TMEM161B: variants seen among roughly 807,000 people sequenced by gnomAD.
TMEM161B encodes transmembrane protein 161B.
TMEM161B carries 34 observed loss-of-function variants against 61.8 expected under a neutral mutation model. That is an observed-to-expected ratio of 0.55 (90% CI 0.42 to 0.73). The LOEUF (loss-of-function observed/expected upper bound fraction) is 0.73. TMEM161B is among the 30% of genes least tolerant of loss of function. The probability of loss-of-function intolerance (pLI) is 0.00; values close to 1 mark genes in which losing one functional copy is unlikely to be tolerated. For missense variants in TMEM161B, 456 were observed against 558.5 expected (o/e 0.82, Z 1.85); for synonymous variants, 167 against 192.8 (o/e 0.87, Z 1.11).
Position 88,232,258 on chromosome 5 carries a change from C to A in TMEM161B, c.108-3730G>T, listed in dbSNP as rs1237111815. 2.0e-5 allele frequency among the ~76,000 whole-genome samples: 3 copies of A among 152,112 alleles called. No individual in the cohort carries two copies. In the East Asian group the frequency reaches 5.8e-4, roughly 29 times the overall value. ...TCAACCAGGAACATGCATGTATGGA[C>A]CACTCAAATTTTTCGTCCCTGTCTA... On this transcript the variant is annotated intron_variant, in intron 2 of 11. Transcript: ENST00000296595.
intron 8 of TMEM161B, 58 bp from the exon 9 acceptor site, chr5:88,203,133 A>G (rs1744743545): frequency 1.9e-6 from 2 of 1,065,936 alleles, no homozygotes; most frequent in Non-Finnish European, 2.9e-6. Context: ...CTAATAAACT[A>G]CAGAAGCTGG....
chr5:88,243,662 AGT>A (rs1753117677), intron 1 of TMEM161B, among the ~76,000 whole-genome samples: 1 of 151,944 alleles, frequency 6.6e-6, no homozygotes, highest in Non-Finnish European at 1.5e-5. Flanking sequence ...TTATTTGAGA[AGT>A]CGCCAAACTG....
chr5:88,205,366 C>T (rs972955369), intron 8 of TMEM161B, among the ~76,000 whole-genome samples: 2 of 152,176 alleles, frequency 1.3e-5, no homozygotes, highest in South Asian at 2.1e-4. Flanking sequence ...GGAAAACAAA[C>T]ACCTCTTACA....
intron 1 of TMEM161B, among the ~76,000 whole-genome samples, chr5:88,263,810 C>G (rs890020029): frequency 1.3e-5 from 2 of 152,100 alleles, no homozygotes; most frequent in African/African-American, 4.8e-5. Flanking sequence ...TAAAAACCAA[C>G]CTTGAACCAA....
intron 5 of TMEM161B, among the ~76,000 whole-genome samples, chr5:88,215,383 T>C (rs559821812): frequency 2.6e-5 from 4 of 152,292 alleles, no homozygotes; most frequent in Admixed American, 2.0e-4. Flanking sequence ...AGATAAAAGA[T>C]AGGATGTAAA....
In TMEM161B at chr5:88,228,572, C is replaced by A. The variant is rs747289349; in HGVS notation, c.108-44G>T. On this transcript the variant is annotated intron_variant, in intron 2 of 11. Coordinates refer to ENST00000296595, the MANE Select transcript of TMEM161B (RefSeq NM_153354.5). ...CTTTTAAATAAAGCGCTTAAAATCA[C>A]CAGAATTATTCTTCATCCTATAAAT... The A allele has an allele frequency of 2.7e-5, 36 of 1,324,330 alleles. No homozygotes were observed. The South Asian group carries it at 4.5e-4, about 17-fold the overall frequency. 82.0% of individuals were successfully genotyped at this position (1,324,330 alleles called of 1,614,324 possible). A position where few individuals can be genotyped will look rare whatever the true frequency, so the allele number is the denominator to read the frequency against.
chr5:88,217,296 T>C (rs1366480544), intron 5 of TMEM161B, among the ~76,000 whole-genome samples: 1 of 152,178 alleles, frequency 6.6e-6, no homozygotes, highest in Non-Finnish European at 1.5e-5. Flanking sequence ...GCAAATCAGT[T>C]ACTTTTTATC....
At chr5:88,186,841 T>A (rs556946060), downstream of TMEM161B, among the ~76,000 whole-genome samples, 19 of 152,036 alleles carry the variant, frequency 1.2e-4, no homozygotes, top group East Asian at 2.7e-3. Context: ...AGGCAGAGGT[T>A]GCAGTGAGCT....
chr5:88,191,908 G>C (rs1293002757), downstream of TMEM161B, among the ~76,000 whole-genome samples: 1 of 123,256 alleles, frequency 8.1e-6, no homozygotes, highest in Non-Finnish European at 1.6e-5. Flanking sequence ...AGTGAGCCGA[G>C]ACCGCGCCAC....
intron 1 of TMEM161B, among the ~76,000 whole-genome samples, chr5:88,249,674 A>C (rs1312307265): frequency 6.6e-6 from 1 of 152,142 alleles, no homozygotes; most frequent in South Asian, 2.1e-4. Context: ...GAATGGGCTT[A>C]AGATAGCAAA....
At chr5:88,261,411 A>C (rs1755666767) in intron 1 of TMEM161B, among the ~76,000 whole-genome samples, 1 of 152,034 alleles carries the variant, frequency 6.6e-6, no homozygotes, top group Non-Finnish European at 1.5e-5. Flanking sequence ...AAAAAAAGAA[A>C]AGAAAAGAAA....
chr5:88,202,898 A>G (rs1744689071), intron 9 of TMEM161B, 64 bp downstream of exon 9: 1 of 1,036,374 alleles, frequency 9.6e-7, no homozygotes, highest in Admixed American at 1.8e-5. Flanking sequence ...AACGAAATAC[A>G]GTAAATAACA....
chr5:88,220,002 A>C (rs396676), intron 5 of TMEM161B, among the ~76,000 whole-genome samples: 107,678 of 151,372 alleles, frequency 0.71, 38,403 homozygotes, highest in South Asian at 0.76. Flanking sequence ...AAAAAAAAAA[A>C]CAGAAATGAA....
chr5:88,251,087 G>A (rs1047440787), intron 1 of TMEM161B: 4 of 152,098 alleles, frequency 2.6e-5, no homozygotes, highest in Non-Finnish European at 5.9e-5. Flanking sequence ...AGCTTTTGTG[G>A]ACAATTTGGT....
intron 2 of TMEM161B, among the ~76,000 whole-genome samples, chr5:88,238,345 A>C (rs950913659): frequency 6.6e-6 from 1 of 151,990 alleles, no homozygotes; most frequent in Non-Finnish European, 1.5e-5. Flanking sequence ...GCCATAACAA[A>C]AAAAAAAGAA....
At chr5:88,232,023 C>CCAGCAATTTTTTTCCATAA (rs1751074256) in intron 2 of TMEM161B, among the ~76,000 whole-genome samples, 1 of 151,964 alleles carries the variant, frequency 6.6e-6, no homozygotes, top group Non-Finnish European at 1.5e-5. Context: ...GTGTGTCATT[C>CCAGCAATTTTTTTCCATAA]CAGCAATTTT....
intron 4 of TMEM161B, among the ~76,000 whole-genome samples, chr5:88,225,554 ATT>A (rs769513538): frequency 5.9e-5 from 9 of 152,220 alleles, no homozygotes; most frequent in Non-Finnish European, 1.3e-4. Flanking sequence ...TGTGTAATAA[ATT>A]TGTGTAAGTT....
In TMEM161B at chr5:88,196,371, G is replaced by C. The variant is rs1561294471; in HGVS notation, c.1304C>G (p.Thr435Ser). Residue 435 changes from threonine to serine, a missense_variant, in exon 12 of 12, where the codon ACT becomes AGT. Coordinates refer to ENST00000296595, the MANE Select transcript of TMEM161B (RefSeq NM_153354.5). Reference protein sequence around the residue: ...LPSAEGKMKVTVTQITVALSS... With the variant: ...LPSAEGKMKVSVTQITVALSS... The stretch of plus-strand genomic sequence containing the variant: ...CAGTGCCACTGTTATTTGTGTAACA[G>C]TTACCTTCATTTTCCCTTCAGCTGA... 1 of 1,613,382 alleles carries C rather than the reference G, an allele frequency of 6.2e-7. No individual in the cohort carries two copies.
chr5:88,229,925 T>G (rs1181800306), intron 2 of TMEM161B, among the ~76,000 whole-genome samples: 1 of 151,824 alleles, frequency 6.6e-6, no homozygotes, highest in East Asian at 1.9e-4. Context: ...AGGCCAGGTA[T>G]GGCGGCTCAT....
Sources: gnomAD v4.1 joint callset for allele counts (sites outside exome capture counted in the v4.1 genomes callset) on GRCh38, gnomAD v4.1.1 for gene constraint, MANE v1.5 for transcripts, NCBI Gene and HGNC (gene_info 2026-07-23, HGNC 2026-07-21) for gene names.